The following NTMT2 variants were observed in gnomAD, a reference collection of about 807,000 sequenced individuals.
The protein encoded by NTMT2 is N-terminal Xaa-Pro-Lys N-methyltransferase 2.
Under a neutral mutation model 23.4 loss-of-function variants are expected in NTMT2, and 21 were observed. The ratio of observed to expected loss-of-function variants is 0.90; its 90% CI spans 0.64 to 1.29. The LOEUF (loss-of-function observed/expected upper bound fraction) is 1.29, where lower values mean the gene tolerates loss of function less well. NTMT2 is among the 50% of genes most tolerant of loss of function. The probability of loss-of-function intolerance (pLI) is 0.00; values close to 1 mark genes in which losing one functional copy is unlikely to be tolerated. For missense variants in NTMT2, 336 were observed against 352.0 expected, an observed-to-expected ratio of 0.95 and a Z score of 0.36; for synonymous variants, 131 against 127.7, an observed-to-expected ratio of 1.03 and a Z score of -0.17.
intron 1 of NTMT2, among the ~76,000 whole-genome samples, chr1:170,151,918 A>G (rs879411902): frequency 6.6e-6 from 1 of 152,178 alleles, no homozygotes; most frequent in Non-Finnish European, 1.5e-5. Flanking sequence ...AACATGTTTG[A>G]TCATCTATAG....
chr1:170,155,915 T>G (rs1454891400), intron 1 of NTMT2, among the ~76,000 whole-genome samples: 10 of 152,012 alleles, frequency 6.6e-5, no homozygotes, highest in Admixed American at 6.6e-4. Context: ...CTCCAAATTT[T>G]TATATTGAAA....
intron 1 of NTMT2, among the ~76,000 whole-genome samples, chr1:170,160,070 C>T (rs977516541): frequency 1.3e-5 from 2 of 152,160 alleles, no homozygotes; most frequent in Non-Finnish European, 2.9e-5. Flanking sequence ...GTTACCCCTA[C>T]CTTGCGATTA....
intron 2 of NTMT2, among the ~76,000 whole-genome samples, chr1:170,162,456 A>C (rs1673292010): frequency 6.6e-6 from 1 of 152,210 alleles, no homozygotes; most frequent in African/African-American, 2.4e-5. Flanking sequence ...ACTGGGGCCA[A>C]AGTGTCTGGA....
chr1:170,146,020 A>G lies in NTMT2; in HGVS notation c.-88A>G. 1 of 1,273,024 alleles carries G rather than the reference A, an allele frequency of 7.9e-7. No homozygotes were observed. Among genetic ancestry groups the G allele is most frequent in the Admixed American group, 2.4e-5 (1 of 41,542 alleles). The allele number at this position is 1,273,024 out of a possible 1,614,324, so 78.9% of individuals were successfully genotyped here. A position where few individuals can be genotyped will look rare whatever the true frequency, so the allele number is the denominator to read the frequency against. ...GGGACTGGTTTAAAATGACAGTCTC[A>G]AGTTCATTTAGAAAGAGAAGGCTAA... On this transcript the variant is annotated 5_prime_UTR_variant, in exon 1 of 4. Coordinates refer to ENST00000439373, the MANE Select transcript of NTMT2 (RefSeq NM_001136107.2).
At chr1:170,152,253 T>C (rs1237324553) in intron 1 of NTMT2, among the ~76,000 whole-genome samples, 2 of 152,206 alleles carry the variant, frequency 1.3e-5, no homozygotes, top group African/African-American at 4.8e-5. Context: ...TAGAGACCAC[T>C]ATAAAATTCT....
In NTMT2 at chr1:170,157,341, A is replaced by G. The variant is rs571421374; in HGVS notation, c.155-3177A>G. Among the ~76,000 whole-genome samples, 9 of 152,254 alleles carry G rather than the reference A, an allele frequency of 5.9e-5. No individual in the cohort carries two copies. The South Asian group carries it at 1.9e-3, about 32-fold the overall frequency. ...AACTTTTAAAAGATTTATATTTTTA[A>G]AATAACAATCTATGTATAATAGTTA... On this transcript the variant is annotated intron_variant, in intron 1 of 3. Transcript: ENST00000439373.
chr1:170,155,323 G>A (rs1400241133), intron 1 of NTMT2, among the ~76,000 whole-genome samples: 3 of 152,054 alleles, frequency 2.0e-5, no homozygotes, highest in African/African-American at 7.2e-5. Context: ...GTCAGAGCTG[G>A]CAAACAAATC....
chr1:170,157,932 A>T (rs1005220128), intron 1 of NTMT2: 2 of 152,112 alleles, frequency 1.3e-5, no homozygotes, highest in African/African-American at 4.8e-5. Flanking sequence ...TTTGAAGTCT[A>T]TGTTTTGTCT....
At chr1:170,166,132 T>TTC (rs1296056936) in intron 2 of NTMT2, among the ~76,000 whole-genome samples, 1 of 81,238 alleles carries the variant, frequency 1.2e-5, no homozygotes, top group East Asian at 3.8e-4. Flanking sequence ...TTTCTTTTTT[T>TTC]TTTTTTTCTT....
intron 1 of NTMT2, among the ~76,000 whole-genome samples, chr1:170,149,318 G>A (rs1395065787): frequency 2.0e-5 from 3 of 152,188 alleles, no homozygotes; most frequent in Non-Finnish European, 4.4e-5. Context: ...GTTCAGAAAG[G>A]AATCTGCATG....
chr1:170,149,853 G>A (rs1673033571), intron 1 of NTMT2, among the ~76,000 whole-genome samples: 1 of 152,094 alleles, frequency 6.6e-6, no homozygotes, highest in African/African-American at 2.4e-5. Flanking sequence ...TCTAGAACAG[G>A]CATTACCAAA....
In NTMT2 at chr1:170,160,636, T is replaced by C. The variant is rs1445826388; in HGVS notation, c.273T>C (p.Ile91=). The C allele has an allele frequency of 6.4e-7, 1 of 1,551,044 alleles. No homozygotes were observed. Among genetic ancestry groups the C allele is most frequent in the African/African-American group, 1.4e-5 (1 of 72,978 alleles). ...ATEEGMMGNF[I]ELSSPDIQAS... The stretch of plus-strand genomic sequence containing the variant: ...AAGAGGGTATGATGGGAAATTTCAT[T>C]GAACTGTCCAGCCCAGACATCCAGG... Residue 91 remains isoleucine, a synonymous_variant, in exon 2 of 4, where the codon ATT becomes ATC. Transcript: ENST00000439373.
At position 170,153,709 on chromosome 1, in the gene NTMT2, G is replaced by A. The variant is rs549886439; in HGVS notation, c.155-6809G>A. Among the ~76,000 whole-genome samples the A allele has an allele frequency of 3.9e-5, 6 of 152,328 alleles. 1 individual carries two copies. Among genetic ancestry groups the A allele is most frequent in the African/African-American group, 1.4e-4 (6 of 41,580 alleles). On this transcript the variant is annotated intron_variant, in intron 1 of 3. Transcript: ENST00000439373. ...CTAACAGCTTAACCAGGATTTGGAA[G>A]CGAGAAATGACTTAAAGTTGGAAGT...
intron 2 of NTMT2, among the ~76,000 whole-genome samples, chr1:170,164,901 A>G (rs571483025): frequency 6.6e-6 from 1 of 152,362 alleles, no homozygotes; most frequent in Admixed American, 6.5e-5. Flanking sequence ...CTGTGTATAA[A>G]TAATAATTGT....
chr1:170,166,707 C>T lies in NTMT2; in HGVS notation c.536C>T (p.Pro179Leu). The T allele has an allele frequency of 6.4e-7, 1 of 1,552,194 alleles. No homozygotes were observed. The highest frequency in any genetic ancestry group is 1.2e-5 in the South Asian group (1 of 84,048). The change falls in exon 3 of 4, where the codon CCC (proline) becomes CTC (leucine). Residue 179 changes from proline to leucine, a missense_variant. Transcript: ENST00000439373. ...YHCYSLQEFTPPFRRYDVIWI... is the reference protein window; with the variant it reads ...YHCYSLQEFTLPFRRYDVIWI... ...TGCTACAGCCTGCAGGAATTCACAC[C>T]CCCCTTCAGGAGATATGATGTCATC...
chr1:170,152,135 C>T lies in NTMT2; in HGVS notation c.154+5874C>T, dbSNP rs371230200. Among the ~76,000 whole-genome samples, 10 of 152,252 alleles carry T rather than the reference C, an allele frequency of 6.6e-5. No individual in the cohort carries two copies. In the East Asian group the frequency reaches 1.2e-3, roughly 18 times the overall value. On this transcript the variant is annotated intron_variant, in intron 1 of 3. Transcript: ENST00000439373. ...AAGGCCCATCAAGAAGTTAGCATAACATTAAGTGCTAGGATTACAAAAAAA... is the reference window on the plus strand; with the variant it reads ...AAGGCCCATCAAGAAGTTAGCATAATATTAAGTGCTAGGATTACAAAAAAA...
intron 1 of NTMT2, among the ~76,000 whole-genome samples, chr1:170,149,982 G>T (rs555372466): frequency 4.2e-4 from 64 of 152,338 alleles, no homozygotes; most frequent in Non-Finnish European, 7.5e-4. Context: ...CTCTGCTGAG[G>T]TGTTTTAGAG....
At chr1:170,166,140 C>CTTTTTTTTTTTTTTTTTTTTTTTTTTT (rs3040077) in intron 2 of NTMT2, among the ~76,000 whole-genome samples, 1 of 67,792 alleles carries the variant, frequency 1.5e-5, no homozygotes, top group African/African-American at 4.5e-5. Context: ...TTTTTTTTTT[C>CTTTTTTTTTTTTTTTTTTTTTTTTTTT]TTTTTTTTTT....
chr1:170,163,799 T>A (rs551499750), intron 2 of NTMT2, among the ~76,000 whole-genome samples: 2 of 152,320 alleles, frequency 1.3e-5, no homozygotes, highest in East Asian at 1.9e-4. Context: ...CTAGTTTATA[T>A]GGATTCATAA....
Sources: allele counts gnomAD v4.1 joint callset (sites outside exome capture counted in the v4.1 genomes callset), GRCh38; gene constraint gnomAD v4.1.1; transcripts MANE v1.5; gene names NCBI Gene and HGNC (gene_info 2026-07-23, HGNC 2026-07-21).